The following CFAP69 variants were observed in gnomAD, a reference collection of about 807,000 sequenced individuals.
CFAP69 encodes the protein cilia and flagella associated protein 69.
In CFAP69, 92 loss-of-function variants were observed where a neutral mutation model predicts 123.0. The observed-to-expected ratio is 0.75, with a 90% CI of 0.63 to 0.89. The LOEUF (loss-of-function observed/expected upper bound fraction) is 0.89, where lower values mean the gene tolerates loss of function less well. Ranked by LOEUF, CFAP69 falls within the 40% of genes least tolerant of loss-of-function variation. The pLI is 0.00. For missense variants in CFAP69, 1,067 were observed against 1,096.9 expected, an observed-to-expected ratio of 0.97 and a Z score of 0.39; for synonymous variants, 380 against 364.3, an observed-to-expected ratio of 1.04 and a Z score of -0.49.
rs1005210708 is a variant in CFAP69 at position 90,310,178 on chromosome 7, C to T, written c.2766C>T (p.Ala922=). The change falls in exon 23 of 23, where the codon GCC becomes GCT. Residue 922 remains alanine, a synonymous_variant. Transcript: ENST00000389297. ...AAAAACTGCCCATTCGAGGAGGAGCCTTGCAGAGGGTGAAAGCAGTTAAAA... is the reference window on the plus strand; with the variant it reads ...AAAAACTGCCCATTCGAGGAGGAGCTTTGCAGAGGGTGAAAGCAGTTAAAA... ...ALKKLPIRGG[A]LQRVKAVKIV... is the part of the protein sequence containing the mutation. The T allele has an allele frequency of 1.1e-5, 18 of 1,613,752 alleles. No individual in the cohort carries two copies. Among genetic ancestry groups the T allele is most frequent in the Non-Finnish European group, 1.4e-5 (17 of 1,179,896 alleles).
At chr7:90,268,406 C>G in intron 6 of CFAP69, 22 bp downstream of exon 6, 1 of 1,499,314 alleles carries the variant, frequency 6.7e-7, no homozygotes, top group African/African-American at 1.4e-5. Flanking sequence ...AATGGTCTTT[C>G]AGTGATAACT....
chr7:90,264,755 T>C lies in CFAP69; in HGVS notation c.357-546T>C, dbSNP rs533296486. ...CATTTCTTAATTCTTATAATTAATA[T>C]AATATTTTCTTTTTGGTCAGTTCAT... On this transcript the variant is annotated intron_variant, in intron 4 of 22. Transcript: ENST00000389297. Among the ~76,000 whole-genome samples the C allele has an allele frequency of 8.5e-5, 13 of 152,246 alleles. No individual in the cohort carries two copies. In the South Asian group the frequency reaches 2.5e-3, roughly 29 times the overall value.
Position 90,307,895 on chromosome 7 carries a change from C to T in CFAP69, c.2550+41C>T, listed in dbSNP as rs1304991653. On this transcript the variant is annotated intron_variant, in intron 21 of 22. Coordinates refer to ENST00000389297, the MANE Select transcript of CFAP69 (RefSeq NM_001039706.3). ...TATTATAGTATCCACAACAAATAGC[C>T]AACTCTTACAGACAGACTTTTTCAG... The T allele has an allele frequency of 5.4e-6, 7 of 1,299,350 alleles. No homozygotes were observed. In the South Asian group the frequency reaches 7.6e-5, roughly 14 times the overall value. The allele number at this position is 1,299,350 out of a possible 1,614,324, so 80.5% of individuals were successfully genotyped here.
chr7:90,250,549 T>G (rs1796894351), intron 1 of CFAP69, among the ~76,000 whole-genome samples: 2 of 152,200 alleles, frequency 1.3e-5, no homozygotes, highest in African/African-American at 4.8e-5. Context: ...GGGAAATAAG[T>G]TCATCCTATA....
chr7:90,323,339 C>A, the CFAP69 span, among the ~76,000 whole-genome samples: 1 of 151,236 alleles, frequency 6.6e-6, no homozygotes. Context: ...CGGATGGAGG[C>A]AAAGCATAAA....
chr7:90,261,857 T>A (rs545795972), intron 3 of CFAP69, 90 bp from the exon 4 acceptor site: 14 of 635,128 alleles, frequency 2.2e-5, no homozygotes, highest in African/African-American at 3.9e-5. Context: ...ATAGTTGGAA[T>A]TCTATAGACT....
At chr7:90,264,703 GCTTTCTTAACCTATGC>G (rs1335839660) in intron 4 of CFAP69, among the ~76,000 whole-genome samples, 18 of 151,924 alleles carry the variant, frequency 1.2e-4, no homozygotes, top group Admixed American at 1.2e-3. Context: ...ATGCAAAATG[GCTTTCTTAACCTATGC>G]CTTTTACATC....
the CFAP69 span, among the ~76,000 whole-genome samples, chr7:90,316,163 T>G: frequency 1.3e-5 from 2 of 152,220 alleles, no homozygotes; most frequent in African/African-American, 4.8e-5. Flanking sequence ...TTATTATCCC[T>G]TGTATCATCT....
chr7:90,315,720 G>A (rs73211485), downstream of CFAP69, among the ~76,000 whole-genome samples: 5,659 of 152,210 alleles, frequency 0.037, 151 homozygotes, highest in Non-Finnish European at 0.058. Flanking sequence ...TTTACCTATA[G>A]AACAAACCTG....
At chr7:90,248,738 G>A (rs541023110) in intron 1 of CFAP69, among the ~76,000 whole-genome samples, 13 of 151,942 alleles carry the variant, frequency 8.6e-5, no homozygotes, top group East Asian at 5.8e-4. Context: ...TGATTCCAGC[G>A]TCTTCTTTTT....
chr7:90,277,039 T>C (rs778371464), intron 9 of CFAP69, 34 bp from the exon 10 acceptor site: 1 of 1,438,466 alleles, frequency 7.0e-7, no homozygotes, highest in African/African-American at 1.4e-5. Context: ...TCTTATTCAT[T>C]CATCTTTCTG....
chr7:90,290,009 T>A (rs1790891165), intron 15 of CFAP69, among the ~76,000 whole-genome samples: 1 of 152,178 alleles, frequency 6.6e-6, no homozygotes, highest in Non-Finnish European at 1.5e-5. Flanking sequence ...AATAATTAGG[T>A]CTTGATAAGT....
intron 21 of CFAP69, among the ~76,000 whole-genome samples, chr7:90,308,107 G>T (rs527845675): frequency 6.6e-6 from 1 of 152,282 alleles, no homozygotes; most frequent in East Asian, 1.9e-4. Flanking sequence ...TAAAGAAGAA[G>T]ATGATAGCCA....
At chr7:90,304,394 C>A (rs1284848365) in intron 18 of CFAP69, 1 of 1,208,416 alleles carries the variant, frequency 8.3e-7, no homozygotes, top group Non-Finnish European at 1.0e-6. Flanking sequence ...TACTGACATT[C>A]TGAGTCACTT....
At chr7:90,251,919 A>G (rs916646) in intron 1 of CFAP69, 2 of 151,838 alleles carry the variant, frequency 1.3e-5, no homozygotes, top group African/African-American at 4.8e-5. Context: ...AAATCCTGCA[A>G]TTGGGGTGGC....
Position 90,261,577 on chromosome 7 carries a change from G to T in CFAP69, c.247-370G>T, listed in dbSNP as rs548713347. Among the ~76,000 whole-genome samples, 7 of 152,190 alleles carry T rather than the reference G, an allele frequency of 4.6e-5. No homozygotes were observed. The South Asian group carries it at 1.5e-3, about 32-fold the overall frequency. On this transcript the variant is annotated intron_variant, in intron 3 of 22. Transcript: ENST00000389297. ...CATATGTTTGTGTGGGCAGGGGTAGGGGGTGAAGATGAAGGGTATAATTGA... is the reference window on the plus strand; with the variant it reads ...CATATGTTTGTGTGGGCAGGGGTAGTGGGTGAAGATGAAGGGTATAATTGA...
intron 15 of CFAP69, among the ~76,000 whole-genome samples, chr7:90,296,925 A>C (rs1228787503): frequency 6.6e-6 from 1 of 152,122 alleles, no homozygotes; most frequent in Non-Finnish European, 1.5e-5. Context: ...TATTATGTGG[A>C]ATAGTTGGTA....
At chr7:90,250,044 T>C (rs906682079) in intron 1 of CFAP69, among the ~76,000 whole-genome samples, 2 of 151,934 alleles carry the variant, frequency 1.3e-5, no homozygotes, top group African/African-American at 4.8e-5. Context: ...GTTTATAGGG[T>C]TTTTGCAAGA....
intron 6 of CFAP69, chr7:90,270,082 G>C (rs1291321857): frequency 6.6e-6 from 1 of 152,196 alleles, no homozygotes; most frequent in Non-Finnish European, 1.5e-5. Flanking sequence ...AGGAGTCAGT[G>C]CTCTCACTAT....
Sources: gnomAD v4.1 joint callset for allele counts (sites outside exome capture counted in the v4.1 genomes callset) on GRCh38, gnomAD v4.1.1 for gene constraint, MANE v1.5 for transcripts, NCBI Gene and HGNC (gene_info 2026-07-23, HGNC 2026-07-21) for gene names.